CCDC85A: variants seen among roughly 807,000 people sequenced by gnomAD.
The protein encoded by CCDC85A is coiled-coil domain-containing protein 85A.
A neutral mutation model predicts 50.2 loss-of-function variants in CCDC85A; 38 were observed. The ratio of observed to expected loss-of-function variants is 0.76; its 90% CI spans 0.58 to 0.99. CCDC85A has a LOEUF of 0.99. Ranked by LOEUF, CCDC85A falls within the 50% of genes least tolerant of loss-of-function variation. The pLI is 0.00. For missense variants in CCDC85A, 820 were observed against 742.0 expected (o/e 1.11, Z -1.22); for synonymous variants, 366 against 301.4 (o/e 1.21, Z -2.22).
At chr2:56,226,120 T>C (rs181221776) in intron 2 of CCDC85A, among the ~76,000 whole-genome samples, 1 of 152,304 alleles carries the variant, frequency 6.6e-6, no homozygotes, top group East Asian at 1.9e-4. Flanking sequence ...TCAGGGCATG[T>C]GTAATGAACT....
chr2:56,256,076 A>T (rs1366637535), intron 2 of CCDC85A, among the ~76,000 whole-genome samples: 2 of 152,220 alleles, frequency 1.3e-5, no homozygotes, highest in African/African-American at 4.8e-5. Flanking sequence ...TGAAATATAC[A>T]ATAAATTGCA....
chr2:56,343,098 A>T, intron 3 of CCDC85A, 143 bp downstream of exon 3: 1 of 575,112 alleles, frequency 1.7e-6, no homozygotes, highest in Non-Finnish European at 3.1e-6. Context: ...GTAGAGTGTG[A>T]TTATGTTCCA....
intron 3 of CCDC85A, among the ~76,000 whole-genome samples, chr2:56,345,042 T>C (rs951639799): frequency 6.6e-6 from 1 of 152,202 alleles, no homozygotes; most frequent in Non-Finnish European, 1.5e-5. Context: ...TCCTTAACTA[T>C]ACTTGATGTG....
chr2:56,308,075 G>A (rs1672525023), intron 2 of CCDC85A, among the ~76,000 whole-genome samples: 1 of 152,154 alleles, frequency 6.6e-6, no homozygotes, highest in African/African-American at 2.4e-5. Flanking sequence ...CGACCTTTAA[G>A]GAGAATATCT....
chr2:56,284,844 T>C (rs1309441102), intron 2 of CCDC85A, among the ~76,000 whole-genome samples: 1 of 152,222 alleles, frequency 6.6e-6, no homozygotes, highest in African/African-American at 2.4e-5. Context: ...TTAATCATTA[T>C]GAATTGTCTT....
chr2:56,333,662 A>G (rs183602706), intron 2 of CCDC85A, among the ~76,000 whole-genome samples: 1 of 152,236 alleles, frequency 6.6e-6, no homozygotes, highest in East Asian at 1.9e-4. Context: ...AGAAGCAGGT[A>G]CTTTGTAAGC....
At chr2:56,202,112 CT>C (rs1358271003) in intron 2 of CCDC85A, among the ~76,000 whole-genome samples, 1 of 152,162 alleles carries the variant, frequency 6.6e-6, no homozygotes, top group African/African-American at 2.4e-5. Context: ...TTTCTCAATT[CT>C]TATTGGAAAT....
intron 2 of CCDC85A, among the ~76,000 whole-genome samples, chr2:56,313,694 A>G (rs1057427901): frequency 3.9e-5 from 6 of 152,120 alleles, no homozygotes. Context: ...TGCCAGCCCC[A>G]TCTGGTTGCC....
Position 56,198,949 on chromosome 2 carries a change from A to G in CCDC85A, c.1240+5509A>G, listed in dbSNP as rs114150077. On this transcript the variant is annotated intron_variant, in intron 2 of 5. Transcript: ENST00000407595. ...TGTCACATAAGCTAGTTGCTGCCAT[A>G]AAGTAAACCAAGAATCTCTTTCAAC... Among the ~76,000 whole-genome samples the G allele has an allele frequency of 7.6e-3, 1,154 of 152,332 alleles. 16 individuals are homozygous for G. The highest frequency in any genetic ancestry group is 0.027 in the African/African-American group (1,117 of 41,582).
At chr2:56,379,687 T>C (rs1454386638) in intron 5 of CCDC85A, 2 of 481,894 alleles carry the variant, frequency 4.2e-6, no homozygotes, top group Non-Finnish European at 5.4e-6. Flanking sequence ...TCCTTGATGG[T>C]TTTATCATAA....
At chr2:56,237,017 T>C (rs755480414) in intron 2 of CCDC85A, among the ~76,000 whole-genome samples, 1 of 152,180 alleles carries the variant, frequency 6.6e-6, no homozygotes, top group Non-Finnish European at 1.5e-5. Flanking sequence ...TCAAAATGTA[T>C]TTCAGTTGGT....
chr2:56,372,368 C>T lies in CCDC85A; in HGVS notation c.1342C>T (p.Pro448Ser), dbSNP rs1676117189. The T allele has an allele frequency of 1.3e-6, 2 of 1,587,422 alleles. No homozygotes were observed. The highest frequency in any genetic ancestry group is 1.7e-6 in the Non-Finnish European group (2 of 1,166,476). ...PQASQNRRQPPTRNSSNMEKG... is the reference protein window; with the variant it reads ...PQASQNRRQPSTRNSSNMEKG... ...GGCCAGCCAGAATAGAAGGCAACCT[C>T]CAACTAGAAACAGCTCAAATATGGA... The change falls in exon 4 of 6, where the codon CCA becomes TCA. Residue 448 changes from proline to serine, a missense_variant. Physicochemically the swap from Pro to Ser is moderately conservative, Grantham distance 74 (BLOSUM62 -1). Coordinates refer to ENST00000407595, the MANE Select transcript of CCDC85A (RefSeq NM_001080433.2).
intron 2 of CCDC85A, among the ~76,000 whole-genome samples, chr2:56,258,809 G>C (rs1449788444): frequency 6.6e-6 from 1 of 152,204 alleles, no homozygotes; most frequent in Non-Finnish European, 1.5e-5. Context: ...AGAAACTGAA[G>C]TACGGAGATT....
At chr2:56,282,745 T>C (rs1199975704) in intron 2 of CCDC85A, among the ~76,000 whole-genome samples, 2 of 152,120 alleles carry the variant, frequency 1.3e-5, no homozygotes, top group African/African-American at 4.8e-5. Context: ...CCTGACCTCA[T>C]GTGATCCTCT....
At chr2:56,196,649 T>C (rs1475534984) in intron 2 of CCDC85A, among the ~76,000 whole-genome samples, 1 of 152,240 alleles carries the variant, frequency 6.6e-6, no homozygotes, top group Non-Finnish European at 1.5e-5. Flanking sequence ...TTGGATGATT[T>C]AGGCTCTTCT....
At chr2:56,245,365 C>T (rs1453589039) in intron 2 of CCDC85A, among the ~76,000 whole-genome samples, 1 of 152,214 alleles carries the variant, frequency 6.6e-6, no homozygotes, top group Non-Finnish European at 1.5e-5. Context: ...CAGTTGCCTG[C>T]TCTACCTCCC....
At chr2:56,227,218 A>G (rs72801198) in intron 2 of CCDC85A, among the ~76,000 whole-genome samples, 3,016 of 152,002 alleles carry the variant, frequency 0.02, 51 homozygotes, top group South Asian at 0.047. Flanking sequence ...TCTTCCATTT[A>G]TTTGTTTTTA....
At chr2:56,335,044 A>C (rs997886853) in intron 2 of CCDC85A, among the ~76,000 whole-genome samples, 2 of 152,204 alleles carry the variant, frequency 1.3e-5, no homozygotes. Flanking sequence ...TATTTCTGTT[A>C]ATAAGGCAGT....
At chr2:56,342,976 C>G (rs1300482102) in intron 3 of CCDC85A, 21 bp downstream of exon 3, 4 of 1,521,058 alleles carry the variant, frequency 2.6e-6, no homozygotes, top group Middle Eastern at 3.4e-4. Context: ...TCCAGAAGCT[C>G]ATAGCTAGTC....
Sources: gnomAD v4.1 joint callset for allele counts (sites outside exome capture counted in the v4.1 genomes callset) on GRCh38, gnomAD v4.1.1 for gene constraint, MANE v1.5 for transcripts, NCBI Gene and HGNC (gene_info 2026-07-23, HGNC 2026-07-21) for gene names.